RIN2: variants seen among roughly 807,000 people sequenced by gnomAD.
RIN2 encodes the protein RAB5 interacting protein 2.
A neutral mutation model predicts 78.0 loss-of-function variants in RIN2; 36 were observed. The observed-to-expected ratio is 0.46, with a 90% CI of 0.35 to 0.61. RIN2 has a LOEUF of 0.61. Among genes scored for constraint, RIN2 ranks in the 20% least tolerant of loss-of-function variants. The pLI is 0.00. For missense variants in RIN2, 1,087 were observed against 1,159.7 expected, an observed-to-expected ratio of 0.94 and a Z score of 0.91; for synonymous variants, 466 against 466.8, an observed-to-expected ratio of 1.00 and a Z score of 0.02.
At chr20:19,994,693 C>A (rs540123641) in intron 11 of RIN2, among the ~76,000 whole-genome samples, 1 of 152,094 alleles carries the variant, frequency 6.6e-6, no homozygotes, top group South Asian at 2.1e-4. Flanking sequence ...ACCCTCCATA[C>A]GGCCTTTCCT....
intron 2 of RIN2, among the ~76,000 whole-genome samples, chr20:19,804,514 A>G (rs2122738907): frequency 6.6e-6 from 1 of 152,332 alleles, no homozygotes; most frequent in East Asian, 1.9e-4. Flanking sequence ...TGATTTGCAT[A>G]TATCAAACCA....
At chr20:19,858,118 CTT>C (rs551446801) in intron 2 of RIN2, among the ~76,000 whole-genome samples, 16,856 of 148,748 alleles carry the variant, frequency 0.11, 1,102 homozygotes, top group Non-Finnish European at 0.15. Flanking sequence ...TATGGTCTGT[CTT>C]TTTTTAAAAA....
intron 4 of RIN2, among the ~76,000 whole-genome samples, chr20:19,948,663 A>T (rs2146199124): frequency 6.6e-6 from 1 of 152,098 alleles, no homozygotes; most frequent in South Asian, 2.1e-4. Context: ...TTTTGTTCTT[A>T]AAAAAAATCA....
intron 1 of RIN2, among the ~76,000 whole-genome samples, chr20:19,767,397 G>A (rs1357894631): frequency 6.6e-6 from 1 of 152,164 alleles, no homozygotes; most frequent in African/African-American, 2.4e-5. Context: ...CAGAATGGTG[G>A]AGGGAAAGTT....
chr20:19,908,416 G>A (rs560823802), intron 3 of RIN2, among the ~76,000 whole-genome samples: 9 of 151,912 alleles, frequency 5.9e-5, no homozygotes, highest in Middle Eastern at 3.4e-3. Context: ...GCGTGAACCC[G>A]GGAGGCGGAG....
At chr20:19,859,140 T>C (rs527255190) in intron 2 of RIN2, among the ~76,000 whole-genome samples, 6 of 152,312 alleles carry the variant, frequency 3.9e-5, no homozygotes, top group Non-Finnish European at 8.8e-5. Flanking sequence ...ACTACATTGA[T>C]GAATCAGAGT....
At chr20:19,810,428 G>A (rs1330084573) in intron 2 of RIN2, among the ~76,000 whole-genome samples, 2 of 151,822 alleles carry the variant, frequency 1.3e-5, no homozygotes, top group Non-Finnish European at 2.9e-5. Flanking sequence ...AAAAAGAAGT[G>A]CCAAGAGTAC....
At position 19,777,192 on chromosome 20, in the gene RIN2, G is replaced by A. The variant is rs187633259; in HGVS notation, c.-163+18865G>A. Among the ~76,000 whole-genome samples, 4 of 152,244 alleles carry A rather than the reference G, an allele frequency of 2.6e-5. No homozygotes were observed. In the East Asian group the frequency reaches 7.7e-4, roughly 29 times the overall value. Reference sequence around the variant, plus strand: ...AGGTTTAGAAGAACTGTGTGCTCAGGGCCAAAGAACACAGGGAAGGGCACA... The same window carrying A: ...AGGTTTAGAAGAACTGTGTGCTCAGAGCCAAAGAACACAGGGAAGGGCACA... On this transcript the variant is annotated intron_variant, in intron 1 of 12. Coordinates refer to ENST00000255006, the MANE Select transcript of RIN2 (RefSeq NM_018993.4).
At chr20:19,988,552 G>A (rs756820067) in intron 9 of RIN2, among the ~76,000 whole-genome samples, 6 of 152,174 alleles carry the variant, frequency 3.9e-5, no homozygotes, top group Non-Finnish European at 7.3e-5. Flanking sequence ...ATGTGCAAAC[G>A]TGTGAGGTCA....
At chr20:19,827,959 GCA>G (rs904943488) in intron 2 of RIN2, among the ~76,000 whole-genome samples, 1 of 152,050 alleles carries the variant, frequency 6.6e-6, no homozygotes, top group Admixed American at 6.5e-5. Context: ...CACAGATCCA[GCA>G]CACTGTTTGG....
chr20:19,764,049 T>C (rs951573875), intron 1 of RIN2, among the ~76,000 whole-genome samples: 2 of 152,190 alleles, frequency 1.3e-5, no homozygotes, highest in African/African-American at 4.8e-5. Context: ...TTTGGAAACA[T>C]TTGTATTTTT....
intron 4 of RIN2, among the ~76,000 whole-genome samples, chr20:19,942,750 GACGGGTAGC>G (rs1296445303): frequency 3.3e-5 from 5 of 152,142 alleles, no homozygotes; most frequent in African/African-American, 1.2e-4. Context: ...TGTTTTTGTT[GACGGGTAGC>G]ACCTTCCAAT....
intron 2 of RIN2, among the ~76,000 whole-genome samples, chr20:19,802,611 C>G (rs1373016476): frequency 6.6e-6 from 1 of 152,080 alleles, no homozygotes; most frequent in Non-Finnish European, 1.5e-5. Context: ...CTGAAGAATT[C>G]CTTGGCAAGC....
At position 19,822,253 on chromosome 20, in the gene RIN2, G is replaced by A. The variant is rs375960188; in HGVS notation, c.-37+22506G>A. Among the ~76,000 whole-genome samples the A allele has an allele frequency of 5.3e-5, 8 of 152,136 alleles. No individual in the cohort carries two copies. In the East Asian group the frequency reaches 1.2e-3, roughly 22 times the overall value. On this transcript the variant is annotated intron_variant, in intron 2 of 12. Coordinates refer to ENST00000255006, the MANE Select transcript of RIN2 (RefSeq NM_018993.4). ...CTTCAAGACTGAGACAGTGGGGTGA[G>A]AAATGCCTACATCTGAACAATGAGA...
In RIN2 at chr20:19,903,258, G is replaced by A. The variant is rs1022434484; in HGVS notation, c.57+13600G>A. On this transcript the variant is annotated intron_variant, in intron 3 of 12. Transcript: ENST00000255006. ...TATCTGGAAGGGGAGGAAATAAAGGGAGCTTGAGGGATCATCGGTGGAGGA... is the reference window on the plus strand; with the variant it reads ...TATCTGGAAGGGGAGGAAATAAAGGAAGCTTGAGGGATCATCGGTGGAGGA... 1.1e-4 allele frequency among the ~76,000 whole-genome samples: 16 copies of A among 152,258 alleles called. No individual in the cohort carries two copies. In the East Asian group the frequency reaches 3.1e-3, roughly 29 times the overall value.
chr20:19,914,196 C>T (rs80265806), intron 3 of RIN2, among the ~76,000 whole-genome samples: 2 of 152,154 alleles, frequency 1.3e-5, no homozygotes, highest in African/African-American at 4.8e-5. Context: ...AACCACTCAC[C>T]TGATGCTTGT....
At chr20:19,769,441 A>C (rs1326269162) in intron 1 of RIN2, among the ~76,000 whole-genome samples, 1 of 152,192 alleles carries the variant, frequency 6.6e-6, no homozygotes. Context: ...AATACACATG[A>C]GTATCTGAAT....
chr20:19,902,910 G>A (rs1007187092), intron 3 of RIN2, among the ~76,000 whole-genome samples: 2 of 152,006 alleles, frequency 1.3e-5, no homozygotes, highest in East Asian at 1.9e-4. Flanking sequence ...TGGCTAACGC[G>A]GTGAAACCCC....
chr20:19,797,943 C>T (rs1001074162), intron 1 of RIN2, among the ~76,000 whole-genome samples: 2 of 149,958 alleles, frequency 1.3e-5, no homozygotes, highest in East Asian at 3.9e-4. Flanking sequence ...CCTCCGCCTG[C>T]CAGGTTCACA....
Sources: allele counts gnomAD v4.1 joint callset (sites outside exome capture counted in the v4.1 genomes callset), GRCh38; gene constraint gnomAD v4.1.1; transcripts MANE v1.5; gene names NCBI Gene and HGNC (gene_info 2026-07-23, HGNC 2026-07-21).